Variants in RIPOR3 observed in about 807,000 individuals in gnomAD.
The protein encoded by RIPOR3 is family with sequence similarity 65 member C.
In RIPOR3, 95 loss-of-function variants were observed where a neutral mutation model predicts 114.3. The observed-to-expected ratio is 0.83, with a 90% CI of 0.70 to 0.99. The LOEUF is 0.99. RIPOR3 is among the 50% of genes least tolerant of loss of function. The pLI is 0.00. For missense variants in RIPOR3, 1,252 were observed against 1,266.9 expected, an observed-to-expected ratio of 0.99 and a Z score of 0.18; for synonymous variants, 575 against 543.8, an observed-to-expected ratio of 1.06 and a Z score of -0.80.
chr20:50,679,153 C>CAA (rs2086776701), intron 1 of RIPOR3, among the ~76,000 whole-genome samples: 1 of 41,352 alleles, frequency 2.4e-5, no homozygotes, highest in East Asian at 1.1e-3. Context: ...TATATATACA[C>CAA]ACACACACAC....
chr20:50,594,876 C>G, intron 16 of RIPOR3, 162 bp from the exon 17 acceptor site: 1 of 760,896 alleles, frequency 1.3e-6, no homozygotes, highest in Non-Finnish European at 2.0e-6. Flanking sequence ...ACGTGAGCAA[C>G]TTTGGCTCTA....
rs747903026 is a variant in RIPOR3, at chr20:50,608,950, C to A, written c.646G>T (p.Val216Leu). The change falls in exon 9 of 22, where the codon GTG (valine) becomes TTG (leucine). Residue 216 changes from valine to leucine, a missense_variant. By Grantham distance (32) the Val-to-Leu change is conservative. Coordinates refer to ENST00000327979, the MANE Select transcript of RIPOR3 (RefSeq NM_001290268.2). ...CCGGGACAGAGGCGTGCGTAGCCCA[C>A]CAAGCCTGGAACACAGACATGGCCG... is the stretch of plus-strand genomic sequence containing the variant. ...GEFHIRMKGL[V>L]GYARLCPGDH... 25 of 1,581,328 alleles carry A rather than the reference C, an allele frequency of 1.6e-5. No homozygotes were observed. The highest frequency in any genetic ancestry group is 2.1e-5 in the Non-Finnish European group (25 of 1,164,334).
chr20:50,603,751 C>G (rs1390125241), intron 12 of RIPOR3, among the ~76,000 whole-genome samples: 1 of 152,226 alleles, frequency 6.6e-6, no homozygotes, highest in Admixed American at 6.5e-5. Flanking sequence ...CAGTGTGAAT[C>G]TGGGTACACG....
intron 1 of RIPOR3, among the ~76,000 whole-genome samples, chr20:50,652,734 G>T (rs910598294): frequency 4.6e-5 from 7 of 152,140 alleles, no homozygotes; most frequent in Admixed American, 4.6e-4. Context: ...TCAAATCCCT[G>T]GGGAGATACC....
intron 1 of RIPOR3, among the ~76,000 whole-genome samples, chr20:50,658,454 T>C (rs1027834020): frequency 1.4e-4 from 21 of 152,154 alleles, no homozygotes; most frequent in African/African-American, 4.3e-4. Flanking sequence ...ACACCTGTAA[T>C]CCCAGCACTT....
At chr20:50,660,795 C>A (rs1368436825) in intron 1 of RIPOR3, among the ~76,000 whole-genome samples, 1 of 141,384 alleles carries the variant, frequency 7.1e-6, no homozygotes, top group African/African-American at 2.8e-5. Flanking sequence ...TGCTCTGTCA[C>A]CCAGGCTAGA....
rs531110469 is a variant in RIPOR3, at chr20:50,636,936, A to G, written c.4-6080T>C. The stretch of plus-strand genomic sequence containing the variant: ...GCTTTTATGCCTGAGTCCCTCACTT[A>G]GGGCTCCTTTTTATCCACTCAAATG... On this transcript the variant is annotated intron_variant, in intron 1 of 21. Coordinates refer to ENST00000327979, the MANE Select transcript of RIPOR3 (RefSeq NM_001290268.2). The G allele has an allele frequency of 4.1e-6, 4 of 984,646 alleles. No homozygotes were observed. The African/African-American group carries it at 7.0e-5, about 17-fold the overall frequency. 61.0% of individuals were successfully genotyped at this position (984,646 alleles called of 1,614,324 possible).
chr20:50,653,165 A>C (rs1160315230), intron 1 of RIPOR3: 6 of 152,268 alleles, frequency 3.9e-5, no homozygotes, highest in African/African-American at 1.4e-4. Context: ...TGTGAGACAG[A>C]TGAACCTTGA....
rs1427837896 is a variant in RIPOR3 at position 50,596,256 on chromosome 20, G to A, written c.1798C>T (p.Arg600Trp). Residue 600 changes from arginine (R) to tryptophan (W), a missense_variant, in exon 15 of 22, where the codon CGG becomes TGG. Physicochemically the swap from Arg to Trp is moderately radical, Grantham distance 101. Coordinates refer to ENST00000327979, the MANE Select transcript of RIPOR3 (RefSeq NM_001290268.2). ...FGGSQGLRKD[R>W]PLPPPSSLKA... ...AGTGATGACGGTGGGGGCAGGGGCC[G>A]GTCCTTTCTGAGTTGAATTGAGAAC... is the stretch of plus-strand genomic sequence containing the variant. 14 of 1,613,956 alleles carry A rather than the reference G, an allele frequency of 8.7e-6. No individual in the cohort carries two copies. Among genetic ancestry groups the A allele is most frequent in the Middle Eastern group, 1.6e-4 (1 of 6,084 alleles).
At chr20:50,663,230 T>C (rs1296553267) in intron 1 of RIPOR3, among the ~76,000 whole-genome samples, 1 of 151,860 alleles carries the variant, frequency 6.6e-6, no homozygotes, top group African/African-American at 2.4e-5. Context: ...CCAGTGCACC[T>C]CTGTCCTTCA....
intron 14 of RIPOR3, 25 bp from the exon 15 acceptor site, chr20:50,596,288 A>G (rs1389717788): frequency 3.1e-6 from 5 of 1,613,638 alleles, no homozygotes; most frequent in South Asian, 1.1e-5. Context: ...GAACTGGGTG[A>G]CCATTCCAGT....
intron 17 of RIPOR3, 89 bp from the exon 18 acceptor site, chr20:50,593,285 T>G (rs1417706588): frequency 6.8e-6 from 10 of 1,466,802 alleles, no homozygotes; most frequent in Non-Finnish European, 9.1e-6. Flanking sequence ...GCTAAAAGGC[T>G]TTCTGGGCCG....
chr20:50,653,127 A>G (rs1406082499), intron 1 of RIPOR3: 1 of 152,184 alleles, frequency 6.6e-6, no homozygotes, highest in Admixed American at 6.5e-5. Flanking sequence ...ATAGGGCCAT[A>G]TAAAAGGGAC....
intron 1 of RIPOR3, chr20:50,636,887 G>A (rs1327536609): frequency 3.0e-6 from 3 of 985,234 alleles, no homozygotes; most frequent in African/African-American, 3.5e-5. Flanking sequence ...TAAATTTAAC[G>A]TTATGGGCTT....
Position 50,608,938 on chromosome 20 carries a change from G to C in RIPOR3, c.658C>G (p.Arg220Gly), listed in dbSNP as rs758958721. ...IRMKGLVGYA[R>G]LCPGDHYEVL... is the part of the protein sequence containing the mutation. ...TCATAGTGGTCTCCGGGACAGAGGC[G>C]TGCGTAGCCCACCAAGCCTGGAACA... is the stretch of plus-strand genomic sequence containing the variant. Residue 220 changes from arginine (R) to glycine (G), a missense_variant, in exon 9 of 22, where the codon CGC (arginine) becomes GGC (glycine). By Grantham distance (125) the Arg-to-Gly change is moderately radical. Transcript: ENST00000327979. 6.3e-7 allele frequency: 1 copy of C among 1,586,436 alleles called. No individual in the cohort carries two copies. Among genetic ancestry groups the C allele is most frequent in the African/African-American group, 1.3e-5 (1 of 74,736 alleles).
At chr20:50,600,090 A>C (rs2083443047) in intron 13 of RIPOR3, among the ~76,000 whole-genome samples, 1 of 152,098 alleles carries the variant, frequency 6.6e-6, no homozygotes, top group South Asian at 2.1e-4. Context: ...TTTAGTAGAA[A>C]CGGGGTTTTG....
At chr20:50,599,463 C>A (rs1378843199) in intron 13 of RIPOR3, among the ~76,000 whole-genome samples, 2 of 152,130 alleles carry the variant, frequency 1.3e-5, no homozygotes, top group African/African-American at 2.4e-5. Context: ...ATCGCTACAA[C>A]TCATGCCTGA....
chr20:50,597,428 G>A, intron 14 of RIPOR3, 152 bp downstream of exon 14: 1 of 1,137,674 alleles, frequency 8.8e-7, no homozygotes, highest in Middle Eastern at 3.0e-4. Context: ...GATGTGCGGG[G>A]ATGGCATGGG....
rs573338148 is a variant in RIPOR3 at position 50,590,486 on chromosome 20, G to A, written c.2578-717C>T. 2.0e-5 allele frequency among the ~76,000 whole-genome samples: 3 copies of A among 152,296 alleles called. No homozygotes were observed. The East Asian group carries it at 5.8e-4, about 29-fold the overall frequency. On this transcript the variant is annotated intron_variant, in intron 19 of 21. Coordinates refer to ENST00000327979, the MANE Select transcript of RIPOR3 (RefSeq NM_001290268.2). ...GATGGAGGGGCCCAGGTGTAGAGTT[G>A]GCTCCAGGGACCTGGGCCCAGAGCC...
Sources: gnomAD v4.1 joint callset for allele counts (sites outside exome capture counted in the v4.1 genomes callset) on GRCh38, gnomAD v4.1.1 for gene constraint, MANE v1.5 for transcripts, NCBI Gene and HGNC (gene_info 2026-07-23, HGNC 2026-07-21) for gene names.